The following TRMT11 variants were observed in gnomAD, a reference collection of about 807,000 sequenced individuals.
The protein encoded by TRMT11 is tRNA (guanine(10)-N(2))-methyltransferase TRMT11.
In TRMT11, 53 loss-of-function variants were observed where a neutral mutation model predicts 62.8. The ratio of observed to expected loss-of-function variants is 0.84; its 90% CI spans 0.68 to 1.06. The LOEUF is 1.06. TRMT11 is among the 50% of genes least tolerant of loss of function. The pLI, the probability that TRMT11 is intolerant of heterozygous loss-of-function variation, is 0.00. For missense variants in TRMT11, 556 were observed against 553.4 expected, an observed-to-expected ratio of 1.00 and a Z score of -0.05; for synonymous variants, 188 against 190.3, an observed-to-expected ratio of 0.99 and a Z score of 0.10.
At chr6:126,147,030 C>T (rs138604043) in intron 21 of TRMT11, among the ~76,000 whole-genome samples, 2 of 126,676 alleles carry the variant, frequency 1.6e-5, no homozygotes, top group East Asian at 3.9e-4. Flanking sequence ...ATTGTAGGCT[C>T]TCAGGTTAAG....
intron 17 of TRMT11, among the ~76,000 whole-genome samples, chr6:126,080,793 G>A (rs1777144671): frequency 6.6e-6 from 1 of 152,050 alleles, no homozygotes; most frequent in African/African-American, 2.4e-5. Context: ...ACTCACAGTG[G>A]GCCCAGTTGG....
the TRMT11 span, among the ~76,000 whole-genome samples, chr6:126,271,572 G>A: frequency 1.3e-5 from 2 of 151,740 alleles, no homozygotes; most frequent in South Asian, 4.2e-4. Context: ...AGGAATCAGA[G>A]GCAAAATATA....
At chr6:126,080,406 T>TA (rs1249974422) in intron 17 of TRMT11, among the ~76,000 whole-genome samples, 2 of 152,074 alleles carry the variant, frequency 1.3e-5, no homozygotes, top group Non-Finnish European at 2.9e-5. Context: ...CTCTAGTTCT[T>TA]ACAGCCAAAA....
At chr6:126,242,678 T>TG in the TRMT11 span, among the ~76,000 whole-genome samples, 2 of 152,114 alleles carry the variant, frequency 1.3e-5, no homozygotes, top group African/African-American at 4.8e-5. Context: ...AAACAAGAAA[T>TG]GGGGAAAGGA....
chr6:126,204,846 A>G (rs529473239), downstream of TRMT11, among the ~76,000 whole-genome samples: 252 of 152,220 alleles, frequency 1.7e-3, 1 homozygote, highest in Non-Finnish European at 2.3e-3. Flanking sequence ...ATTAGTCAGC[A>G]CATTGGGCAG....
intron 12 of TRMT11, among the ~76,000 whole-genome samples, chr6:126,038,393 T>C (rs1359223584): frequency 2.1e-5 from 3 of 144,000 alleles, no homozygotes; most frequent in South Asian, 2.1e-4. Flanking sequence ...AAGAAAGTTA[T>C]AGCCTTGACT....
intron 17 of TRMT11, among the ~76,000 whole-genome samples, chr6:126,102,341 T>C (rs921475161): frequency 6.6e-6 from 1 of 152,136 alleles, no homozygotes; most frequent in Non-Finnish European, 1.5e-5. Context: ...TCCAAGACCT[T>C]AAGCAAAACA....
chr6:126,163,500 C>T (rs142018903), intron 21 of TRMT11, among the ~76,000 whole-genome samples: 1,595 of 152,134 alleles, frequency 0.01, 22 homozygotes, highest in African/African-American at 0.036. Context: ...TCAGGGATAT[C>T]GGCCTGAAAT....
chr6:126,243,659 T>A, the TRMT11 span, among the ~76,000 whole-genome samples: 1 of 152,110 alleles, frequency 6.6e-6, no homozygotes, highest in African/African-American at 2.4e-5. Context: ...CTGGAAACCA[T>A]CATTCTCAGC....
At chr6:126,061,958 C>T (rs1197189679) in intron 17 of TRMT11, among the ~76,000 whole-genome samples, 1 of 152,232 alleles carries the variant, frequency 6.6e-6, no homozygotes, top group African/African-American at 2.4e-5. Context: ...TCACAGCTCA[C>T]TGCAACCTCC....
chr6:126,024,081 C>T (rs1050801991), intron 12 of TRMT11, among the ~76,000 whole-genome samples: 1 of 152,122 alleles, frequency 6.6e-6, no homozygotes, highest in African/African-American at 2.4e-5. Context: ...AACTAGAATT[C>T]TTTATAGGTC....
In TRMT11 at chr6:126,159,649, A is replaced by C. The variant is rs528467076; in HGVS notation, c.*1824-15176A>C. On this transcript the variant is annotated intron_variant and NMD_transcript_variant, in intron 21 of 22. Coordinates refer to the TRMT11 transcript ENST00000648977. ...CTGCCATAACACAGTATTATTACAA[A>C]GTAAGAGGCTTAAAACAGTGGAATT... Among the ~76,000 whole-genome samples, 3 of 152,354 alleles carry C rather than the reference A, an allele frequency of 2.0e-5. No individual in the cohort carries two copies. The East Asian group carries it at 5.8e-4, about 29-fold the overall frequency.
chr6:126,086,640 A>G (rs1446428393), intron 17 of TRMT11, among the ~76,000 whole-genome samples: 1 of 152,174 alleles, frequency 6.6e-6, no homozygotes, highest in African/African-American at 2.4e-5. Flanking sequence ...ACAGTACTTC[A>G]GCAATTCCAT....
chr6:126,113,105 C>A (rs965691846), intron 18 of TRMT11, among the ~76,000 whole-genome samples: 1 of 152,058 alleles, frequency 6.6e-6, no homozygotes, highest in Non-Finnish European at 1.5e-5. Context: ...AGGCATTAAG[C>A]AAACAACCAT....
chr6:126,014,137 G>T (rs1794653251), intron 11 of TRMT11, among the ~76,000 whole-genome samples: 1 of 152,128 alleles, frequency 6.6e-6, no homozygotes, highest in Non-Finnish European at 1.5e-5. Context: ...GAACAAGATG[G>T]AATGTTTAAA....
chr6:126,259,397 A>G, the TRMT11 span, among the ~76,000 whole-genome samples: 1 of 152,148 alleles, frequency 6.6e-6, no homozygotes, highest in Non-Finnish European at 1.5e-5. Flanking sequence ...GGATTTTGCC[A>G]TGTTGGCCAG....
the TRMT11 span, among the ~76,000 whole-genome samples, chr6:126,269,382 A>G: frequency 1.3e-5 from 2 of 152,178 alleles, no homozygotes; most frequent in Non-Finnish European, 2.9e-5. Context: ...AAAAAGACAT[A>G]CCAAATACAC....
intron 21 of TRMT11, among the ~76,000 whole-genome samples, chr6:126,136,255 G>A (rs1777848306): frequency 6.6e-6 from 1 of 151,260 alleles, no homozygotes; most frequent in African/African-American, 2.4e-5. Flanking sequence ...TGAAGACTCT[G>A]CCAAAAAACT....
intron 17 of TRMT11, among the ~76,000 whole-genome samples, chr6:126,080,265 AT>A (rs530449604): frequency 2.0e-4 from 29 of 146,832 alleles, no homozygotes; most frequent in Admixed American, 4.1e-4. Context: ...ATTTTGCTTT[AT>A]TTTTTTTTTG....
Sources: allele counts gnomAD v4.1 joint callset (sites outside exome capture counted in the v4.1 genomes callset), GRCh38; gene constraint gnomAD v4.1.1; transcripts MANE v1.5; gene names NCBI Gene and HGNC (gene_info 2026-07-23, HGNC 2026-07-21).